The following SLC2A13 variants were observed in gnomAD, a reference collection of about 807,000 sequenced individuals.
SLC2A13 encodes proton myo-inositol cotransporter.
SLC2A13 carries 32 observed loss-of-function variants against 64.4 expected under a neutral mutation model. That is an observed-to-expected ratio of 0.50 (90% CI 0.37 to 0.67). The LOEUF (loss-of-function observed/expected upper bound fraction) is 0.67. Ranked by LOEUF, SLC2A13 falls within the 30% of genes least tolerant of loss-of-function variation. The probability of loss-of-function intolerance (pLI) is 0.00; values close to 1 mark genes in which losing one functional copy is unlikely to be tolerated. For missense variants in SLC2A13, 743 were observed against 829.2 expected (o/e 0.90, Z 1.28); for synonymous variants, 338 against 327.1 (o/e 1.03, Z -0.36).
Position 39,988,661 on chromosome 12 carries a change from G to A in SLC2A13, c.926-37296C>T, listed in dbSNP as rs1245725767. Among the ~76,000 whole-genome samples, 33 of 92,578 alleles carry A rather than the reference G, an allele frequency of 3.6e-4. No individual in the cohort carries two copies. In the East Asian group the frequency reaches 0.031, roughly 87 times the overall value. 60.7% of individuals were successfully genotyped at this position (92,578 alleles called of 152,430 possible). ...GGGAGGAGAGGGAGAAAAGGAAGGAGGGAGGGAGGGAGGGAAGAAGGGAGG... is the reference window on the plus strand; with the variant it reads ...GGGAGGAGAGGGAGAAAAGGAAGGAAGGAGGGAGGGAGGGAAGAAGGGAGG... On this transcript the variant is annotated intron_variant, in intron 3 of 9. Coordinates refer to ENST00000280871, the MANE Select transcript of SLC2A13 (RefSeq NM_052885.4).
intron 3 of SLC2A13, among the ~76,000 whole-genome samples, chr12:39,962,052 G>A (rs548908371): frequency 4.6e-5 from 7 of 152,294 alleles, no homozygotes; most frequent in African/African-American, 1.7e-4. Context: ...CTATGGAGAT[G>A]AGCGTTACAC....
At chr12:39,801,718 G>A (rs940301734) in intron 7 of SLC2A13, among the ~76,000 whole-genome samples, 2 of 152,144 alleles carry the variant, frequency 1.3e-5, no homozygotes, top group Non-Finnish European at 2.9e-5. Context: ...TAAACTGTCT[G>A]GGATTCAGTT....
At chr12:40,010,450 T>A (rs1431633181) in intron 3 of SLC2A13, among the ~76,000 whole-genome samples, 1 of 152,180 alleles carries the variant, frequency 6.6e-6, no homozygotes, top group African/African-American at 2.4e-5. Context: ...AAGGCTTTTT[T>A]TTTCTGAGCC....
chr12:40,000,584 G>A (rs1445788785), intron 3 of SLC2A13, among the ~76,000 whole-genome samples: 1 of 152,140 alleles, frequency 6.6e-6, no homozygotes, highest in Non-Finnish European at 1.5e-5. Flanking sequence ...GAGGCTCAAA[G>A]TCCAAGATCA....
chr12:39,898,436 G>C (rs182242157), intron 4 of SLC2A13, among the ~76,000 whole-genome samples: 113 of 152,188 alleles, frequency 7.4e-4, no homozygotes, highest in African/African-American at 2.6e-3. Context: ...ACCAGTGTTT[G>C]TGTGTCCATT....
At chr12:39,762,953 G>A (rs1374924465) in intron 9 of SLC2A13, among the ~76,000 whole-genome samples, 1 of 151,978 alleles carries the variant, frequency 6.6e-6, no homozygotes, top group African/African-American at 2.4e-5. Context: ...ATAAATTCAA[G>A]AAAGAGGAGC....
intron 7 of SLC2A13, among the ~76,000 whole-genome samples, chr12:39,769,391 T>C (rs1940478836): frequency 6.6e-6 from 1 of 152,106 alleles, no homozygotes; most frequent in Non-Finnish European, 1.5e-5. Flanking sequence ...ACTTGATACA[T>C]TTGAATCTGA....
At chr12:39,875,681 T>C (rs1195830536) in intron 4 of SLC2A13, among the ~76,000 whole-genome samples, 1 of 152,212 alleles carries the variant, frequency 6.6e-6, no homozygotes, top group Non-Finnish European at 1.5e-5. Context: ...CAGGCATAAC[T>C]ACATTCTCTT....
Position 40,105,736 on chromosome 12 carries a change from T to G in SLC2A13, c.73A>C (p.Arg25=). Residue 25 remains arginine, a synonymous_variant, in exon 1 of 10, where the codon AGG becomes CGG. Coordinates refer to ENST00000280871, the MANE Select transcript of SLC2A13 (RefSeq NM_052885.4). The surrounding 1 kb of genome is among the most constrained non-coding windows in gnomAD (Gnocchi z 4.2). The part of the protein sequence containing the change: ...SLSSLMGERR[R]KQPEPDAASA... ...GCCGCGTCCGGCTCCGGCTGCTTCC[T>G]GCGCCGCTCGCCCATCAGGCTGCTC... 1 of 1,486,720 alleles carries G rather than the reference T, an allele frequency of 6.7e-7. No homozygotes were observed. Among genetic ancestry groups the G allele is most frequent in the Non-Finnish European group, 8.9e-7 (1 of 1,119,104 alleles). The allele number at this position is 1,486,720 out of a possible 1,614,324, so 92.1% of individuals were successfully genotyped here.
intron 1 of SLC2A13, among the ~76,000 whole-genome samples, chr12:40,086,934 C>A (rs770281065): frequency 6.6e-6 from 1 of 152,198 alleles, no homozygotes; most frequent in Admixed American, 6.5e-5. Flanking sequence ...TCCCAAGAGG[C>A]ATAATTAGGT....
intron 4 of SLC2A13, among the ~76,000 whole-genome samples, chr12:39,926,718 A>C (rs1207202512): frequency 2.0e-5 from 3 of 152,100 alleles, no homozygotes; most frequent in African/African-American, 7.2e-5. Context: ...CAGGCTCAAG[A>C]GATCCTCCTA....
At chr12:39,866,836 C>G (rs1943924974) in intron 5 of SLC2A13, among the ~76,000 whole-genome samples, 2 of 152,060 alleles carry the variant, frequency 1.3e-5, no homozygotes, top group South Asian at 2.1e-4. Context: ...TTATTACAAG[C>G]AGCAGCAGCA....
At chr12:39,764,420 A>G in intron 9 of SLC2A13, 40 bp downstream of exon 9, 2 of 1,486,994 alleles carry the variant, frequency 1.3e-6, no homozygotes, top group Non-Finnish European at 1.8e-6. Flanking sequence ...ATAGTGATAA[A>G]AATAAAAACA....
intron 3 of SLC2A13, among the ~76,000 whole-genome samples, chr12:39,975,782 T>C (rs1168879244): frequency 1.3e-5 from 2 of 152,238 alleles, no homozygotes; most frequent in South Asian, 2.1e-4. Flanking sequence ...TTTCACTCTC[T>C]ATTAACATGC....
chr12:39,961,676 AT>A (rs778579412), intron 3 of SLC2A13, among the ~76,000 whole-genome samples: 23 of 149,238 alleles, frequency 1.5e-4, no homozygotes, highest in Middle Eastern at 3.5e-3. Flanking sequence ...TTAAAAAAAA[AT>A]TTTTTTTTTA....
In SLC2A13 at chr12:39,864,792, G is replaced by T. The variant is rs1943860236; in HGVS notation, c.1289C>A (p.Ser430Ter). ...PRITFKPIAPSGQNATCTRYS... is the reference protein window; with the variant it reads ...PRITFKPIAP ...TCTTGTGCAAGTGGCGTTCTGACCTGACGGAGCTATTGGCTTAAAAGTGAT... is the reference window on the plus strand; with the variant it reads ...TCTTGTGCAAGTGGCGTTCTGACCTTACGGAGCTATTGGCTTAAAAGTGAT... Residue 430 changes from serine (S) to a stop codon, truncating the protein, a stop_gained, in exon 6 of 10, where the codon TCA becomes TAA. Coordinates refer to ENST00000280871, the MANE Select transcript of SLC2A13 (RefSeq NM_052885.4). LOFTEE classifies it high-confidence loss of function. The T allele has an allele frequency of 6.2e-7, 1 of 1,613,920 alleles. No homozygotes were observed. The highest frequency in any genetic ancestry group is 1.3e-5 in the African/African-American group (1 of 74,912).
intron 3 of SLC2A13, among the ~76,000 whole-genome samples, chr12:39,998,919 C>T (rs1008235336): frequency 6.6e-6 from 1 of 152,156 alleles, no homozygotes; most frequent in Non-Finnish European, 1.5e-5. Context: ...AGCACTGAAT[C>T]ATGTGGGCAG....
At chr12:40,031,949 G>C (rs1333537915) in intron 2 of SLC2A13, among the ~76,000 whole-genome samples, 1 of 152,118 alleles carries the variant, frequency 6.6e-6, no homozygotes. Context: ...ATACACTGGG[G>C]CAGGCAGTCC....
intron 3 of SLC2A13, among the ~76,000 whole-genome samples, chr12:39,991,361 GCT>G (rs1565579611): frequency 6.6e-6 from 1 of 152,102 alleles, no homozygotes; most frequent in Non-Finnish European, 1.5e-5. Flanking sequence ...CCAGTGCTCT[GCT>G]CCCATCATCT....
Sources: allele counts gnomAD v4.1 joint callset (sites outside exome capture counted in the v4.1 genomes callset), GRCh38; gene constraint gnomAD v4.1.1; non-coding constraint Gnocchi (gnomAD v3.1); transcripts MANE v1.5; gene names NCBI Gene and HGNC (gene_info 2026-07-23, HGNC 2026-07-21).